COL6A3: variants seen among roughly 807,000 people sequenced by gnomAD.
COL6A3 encodes the protein collagen alpha-3(VI) chain.
Under a neutral mutation model 274.1 loss-of-function variants are expected in COL6A3, and 137 were observed. The observed-to-expected ratio is 0.50, with a 90% CI of 0.44 to 0.58. The LOEUF (loss-of-function observed/expected upper bound fraction) is 0.58, where lower values mean the gene tolerates loss of function less well. COL6A3 is among the 20% of genes least tolerant of loss of function. The pLI, the probability that COL6A3 is intolerant of heterozygous loss-of-function variation, is 0.00. For missense variants in COL6A3, 3,950 were observed against 4,124.9 expected (o/e 0.96, Z 1.16); for synonymous variants, 1,650 against 1,650.6 (o/e 1.00, Z 0.01).
chr2:237,347,997 G>T, intron 30 of COL6A3, 128 bp from the exon 31 acceptor site: 1 of 846,662 alleles, frequency 1.2e-6, no homozygotes, highest in Non-Finnish European at 2.0e-6. Context: ...GGTTAGTTTT[G>T]ATTCACTTTT....
At chr2:237,353,717 G>C (rs2077255925) in intron 24 of COL6A3, among the ~76,000 whole-genome samples, 1 of 152,186 alleles carries the variant, frequency 6.6e-6, no homozygotes, top group African/African-American at 2.4e-5. Flanking sequence ...CTGATGGCCA[G>C]ATAGGTGAGC....
In COL6A3 at chr2:237,364,356, G is replaced by T; in HGVS notation, c.5911C>A (p.Gln1971Lys). The T allele has an allele frequency of 6.2e-7, 1 of 1,613,456 alleles. No individual in the cohort carries two copies. The highest frequency in any genetic ancestry group is 8.5e-7 in the Non-Finnish European group (1 of 1,179,466). The change falls in exon 13 of 44, where the codon CAA becomes AAA. Residue 1971 changes from glutamine (Q) to lysine (K), a missense_variant. Gln to Lys is a moderately conservative substitution (Grantham distance 53). Transcript: ENST00000295550. The surrounding 1 kb of genome is among the most constrained non-coding windows in gnomAD (Gnocchi z 4.6). ...DLHRASENLR[Q>K]EGVRALILVG... is the part of the protein sequence containing the mutation. ...AGAAAGCCTTGGCACCTACCTTCTT[G>T]GCGGAGGTTCTCAGATGCTCTGTGT... is the stretch of plus-strand genomic sequence containing the variant.
At chr2:237,410,956 A>G (rs2078842065) in intron 1 of COL6A3, among the ~76,000 whole-genome samples, 1 of 152,198 alleles carries the variant, frequency 6.6e-6, no homozygotes, top group African/African-American at 2.4e-5. Flanking sequence ...AAGCTCCCCC[A>G]CTTTAAAATT....
intron 1 of COL6A3, among the ~76,000 whole-genome samples, chr2:237,408,292 T>C (rs748340144): frequency 6.6e-6 from 1 of 152,206 alleles, no homozygotes; most frequent in African/African-American, 2.4e-5. Flanking sequence ...GCCTCCCTTT[T>C]GTGTAAAAGA....
rs73093749 is a variant in COL6A3 at position 237,374,072 on chromosome 2, G to A, written c.3679+340C>T. ...CTACCAGGGGTCGCAGGACTGATAC[G>A]CAACAGGCGTTATCAGTTAGACGGC... On this transcript the variant is annotated intron_variant, in intron 8 of 43. Transcript: ENST00000295550. The surrounding 1 kb of genome is among the most constrained non-coding windows in gnomAD (Gnocchi z 4.8). Among the ~76,000 whole-genome samples, 3,140 of 152,294 alleles carry A rather than the reference G, an allele frequency of 0.021. 95 individuals are homozygous for A. Among genetic ancestry groups the A allele is most frequent in the Admixed American group, 0.063 (962 of 15,302 alleles).
chr2:237,324,955 T>G (rs553405911), intron 43 of COL6A3, 141 bp from the exon 44 acceptor site: 1 of 914,264 alleles, frequency 1.1e-6, no homozygotes, highest in Non-Finnish European at 1.7e-6. Context: ...CTGTCCCACT[T>G]TTCTACTCAG....
intron 19 of COL6A3, 52 bp from the exon 20 acceptor site, chr2:237,359,140 C>T (rs1472537517): frequency 6.2e-7 from 1 of 1,613,766 alleles, no homozygotes. Context: ...CTATCACAGA[C>T]TGAGTTGTTA....
chr2:237,334,878 G>A lies in COL6A3; in HGVS notation c.8977C>T (p.Arg2993Cys), dbSNP rs148318789. ...GTTATCTCAAACACCTGGACTTCACGGGACATCTTAACTGAAAGATAGATC... is the reference window on the plus strand; with the variant it reads ...GTTATCTCAAACACCTGGACTTCACAGGACATCTTAACTGAAAGATAGATC... ...ATTKPMVKMSREVQVFEITEN... is the reference protein window; with the variant it reads ...ATTKPMVKMSCEVQVFEITEN... The change falls in exon 41 of 44, where the codon CGT (arginine) becomes TGT (cysteine). Residue 2993 changes from arginine to cysteine, a missense_variant. Coordinates refer to ENST00000295550, the MANE Select transcript of COL6A3 (RefSeq NM_004369.4). The A allele has an allele frequency of 1.2e-5, 20 of 1,613,954 alleles. No homozygotes were observed. The highest frequency in any genetic ancestry group is 1.6e-4 in the Middle Eastern group (1 of 6,072).
intron 3 of COL6A3, among the ~76,000 whole-genome samples, chr2:237,394,199 C>G (rs776541489): frequency 2.6e-5 from 4 of 152,230 alleles, no homozygotes; most frequent in Admixed American, 6.5e-5. Context: ...AGTTCACGCA[C>G]TCTCCAACAG....
chr2:237,377,204 A>C lies in COL6A3; in HGVS notation c.2638T>G (p.Tyr880Asp). ...GACTCCACCTTGACATCATCGCTGT[A>C]CTGAGCCACCGCAATTCGGGTCCCC... ...PEGTRIAVAQYSDDVKVESRF... is the reference protein window; with the variant it reads ...PEGTRIAVAQDSDDVKVESRF... The change falls in exon 7 of 44, where the codon TAC becomes GAC. Residue 880 changes from tyrosine (Y) to aspartate (D), a missense_variant. By Grantham distance (160) the Tyr-to-Asp change is radical. Coordinates refer to ENST00000295550, the MANE Select transcript of COL6A3 (RefSeq NM_004369.4). 1 of 1,614,020 alleles carries C rather than the reference A, an allele frequency of 6.2e-7. No individual in the cohort carries two copies. Among genetic ancestry groups the C allele is most frequent in the Non-Finnish European group, 8.5e-7 (1 of 1,180,028 alleles).
At chr2:237,363,094 C>T (rs2077473266) in intron 14 of COL6A3, among the ~76,000 whole-genome samples, 159 bp downstream of exon 14, 1 of 151,998 alleles carries the variant, frequency 6.6e-6, no homozygotes, top group Admixed American at 6.6e-5. Context: ...TGTGTTATGG[C>T]AACAAGGCAG....
At chr2:237,392,699 AAG>A (rs1317866073) in intron 3 of COL6A3, among the ~76,000 whole-genome samples, 1 of 152,244 alleles carries the variant, frequency 6.6e-6, no homozygotes, top group Non-Finnish European at 1.5e-5. Context: ...AAATACACAG[AAG>A]AGAGTCTCCA....
intron 4 of COL6A3, 143 bp downstream of exon 4, chr2:237,387,439 A>G (rs2078171601): frequency 1.6e-6 from 2 of 1,222,426 alleles, no homozygotes; most frequent in African/African-American, 1.5e-5. Context: ...GACATCCAGG[A>G]CCCAGCTCAT....
intron 4 of COL6A3, among the ~76,000 whole-genome samples, chr2:237,382,783 A>G: frequency 6.6e-6 from 1 of 151,942 alleles, no homozygotes; most frequent in East Asian, 1.9e-4. Context: ...TCTAGAACAT[A>G]TTTTTATTTT....
chr2:237,347,845 T>G lies in COL6A3; in HGVS notation c.6991A>C (p.Asn2331His). 6.2e-7 allele frequency: 1 copy of G among 1,611,016 alleles called. No individual in the cohort carries two copies. Among genetic ancestry groups the G allele is most frequent in the South Asian group, 1.1e-5 (1 of 90,058 alleles). Reference protein sequence around the residue: ...PKGNPGEPGLNGTTGPKGIRG... With the variant: ...PKGNPGEPGLHGTTGPKGIRG... ...ATGCCTTTGGGTCCTGTTGTTCCAT[T>G]TAGCCCAGGTTCACCTGGGTTACCC... Residue 2331 changes from asparagine to histidine, a missense_variant, in exon 31 of 44, where the codon AAT becomes CAT. Around this residue, in one of 5 missense-constraint regions of COL6A3, gnomAD observed 1,284 missense variants for 1,349.7 expected, o/e 0.95. Coordinates refer to ENST00000295550, the MANE Select transcript of COL6A3 (RefSeq NM_004369.4).
chr2:237,387,889 G>A lies in COL6A3; in HGVS notation c.1005C>T (p.Thr335=), dbSNP rs1198456360. ...CCTCCACGCGGCTGCCCCCTGCCCG[G>A]GTGAAGTGGTTCTCCACCACGAAAT... ...ALDFVVENHF[T]RAGGSRVEEG... is the part of the protein sequence containing the mutation. Residue 335 remains threonine (T), a synonymous_variant, in exon 4 of 44, where the codon ACC becomes ACT. Coordinates refer to ENST00000295550, the MANE Select transcript of COL6A3 (RefSeq NM_004369.4). The A allele has an allele frequency of 6.2e-7, 1 of 1,614,066 alleles. No homozygotes were observed. The highest frequency in any genetic ancestry group is 8.5e-7 in the Non-Finnish European group (1 of 1,179,982).
intron 37 of COL6A3, among the ~76,000 whole-genome samples, 190 bp downstream of exon 37, chr2:237,341,875 C>T (rs2076996026): frequency 6.6e-6 from 1 of 152,188 alleles, no homozygotes; most frequent in Non-Finnish European, 1.5e-5. Flanking sequence ...CAAAGAGAAG[C>T]TCTGTTTTGG....
chr2:237,336,030 C>G, intron 40 of COL6A3, 105 bp downstream of exon 40: 1 of 1,425,646 alleles, frequency 7.0e-7, no homozygotes, highest in South Asian at 1.2e-5. Flanking sequence ...AAGCCCAGAT[C>G]AAGGACTGTA....
intron 4 of COL6A3, among the ~76,000 whole-genome samples, chr2:237,382,381 T>C (rs2078030238): frequency 6.6e-6 from 1 of 150,632 alleles, no homozygotes; most frequent in Admixed American, 6.6e-5. Context: ...AGATTTCATC[T>C]CCAAAAAAAA....
Sources: allele counts gnomAD v4.1 joint callset (sites outside exome capture counted in the v4.1 genomes callset), GRCh38; gene constraint gnomAD v4.1.1; regional missense constraint gnomAD v4.1.1; non-coding constraint Gnocchi (gnomAD v3.1); transcripts MANE v1.5; gene names NCBI Gene and HGNC (gene_info 2026-07-23, HGNC 2026-07-21).